STAM: variants seen among roughly 807,000 people sequenced by gnomAD.
The protein encoded by STAM is signal transducing adaptor molecule.
STAM carries 16 observed loss-of-function variants against 63.4 expected under a neutral mutation model. The observed-to-expected ratio is 0.25, with a 90% CI of 0.17 to 0.38. The LOEUF is 0.38. STAM is among the 10% of genes least tolerant of loss of function. STAM has a pLI of 1.00. For missense variants in STAM, 636 were observed against 657.1 expected, an observed-to-expected ratio of 0.97 and a Z score of 0.35; for synonymous variants, 238 against 223.9, an observed-to-expected ratio of 1.06 and a Z score of -0.56.
intron 5 of STAM, among the ~76,000 whole-genome samples, chr10:17,689,901 A>T (rs1554826561): frequency 6.6e-6 from 1 of 152,222 alleles, no homozygotes; most frequent in East Asian, 1.9e-4. Context: ...GAGGTCTGAG[A>T]AGCACTGCTG....
chr10:17,671,946 A>G (rs1834657465), intron 2 of STAM, among the ~76,000 whole-genome samples: 1 of 152,204 alleles, frequency 6.6e-6, no homozygotes, highest in African/African-American at 2.4e-5. Flanking sequence ...TTCAATGACA[A>G]TAATTTCCTT....
chr10:17,703,594 CAT>C (rs1480128733), intron 9 of STAM, among the ~76,000 whole-genome samples: 1 of 151,968 alleles, frequency 6.6e-6, no homozygotes, highest in Non-Finnish European at 1.5e-5. Context: ...AACATAAATA[CAT>C]ATATACTTAT....
At chr10:17,709,001 T>A (rs1554829775) in intron 13 of STAM, 50 bp downstream of exon 13, 1 of 1,572,526 alleles carries the variant, frequency 6.4e-7, no homozygotes, top group South Asian at 1.2e-5. Context: ...TACAGCTGTT[T>A]AAGTGCCCCC....
chr10:17,649,562 C>T (rs1833656516), intron 1 of STAM, among the ~76,000 whole-genome samples: 1 of 151,522 alleles, frequency 6.6e-6, no homozygotes, highest in South Asian at 2.1e-4. Flanking sequence ...TTTTTTTTCC[C>T]CTAATACTTT....
rs1554825865 is a variant in STAM, at chr10:17,684,680, A to G, written c.131A>G (p.Lys44Arg). 6.2e-7 allele frequency: 1 copy of G among 1,612,190 alleles called. No homozygotes were observed. The highest frequency in any genetic ancestry group is 8.5e-7 in the Non-Finnish European group (1 of 1,179,496). The change falls in exon 3 of 14, where the codon AAG becomes AGG. Residue 44 changes from lysine (K) to arginine (R), a missense_variant. Coordinates refer to ENST00000377524, the MANE Select transcript of STAM (RefSeq NM_003473.4). ...DKVGQSRTGP[K>R]DCLRSIMRRV... ...TACTTTTCTCATTTTTTTAGACCTAAGGATTGTCTTCGGTCTATTATGAGA... is the reference window on the plus strand; with the variant it reads ...TACTTTTCTCATTTTTTTAGACCTAGGGATTGTCTTCGGTCTATTATGAGA...
At chr10:17,693,794 C>T (rs1442124501) in intron 6 of STAM, among the ~76,000 whole-genome samples, 3 of 152,094 alleles carry the variant, frequency 2.0e-5, no homozygotes, top group African/African-American at 7.2e-5. Flanking sequence ...TACATATTCT[C>T]TGTGCACATA....
intron 1 of STAM, among the ~76,000 whole-genome samples, chr10:17,645,098 T>A (rs782170663): frequency 6.6e-6 from 1 of 152,268 alleles, no homozygotes; most frequent in Non-Finnish European, 1.5e-5. Context: ...ATGATGTCAA[T>A]TCAATAGGTT....
intron 13 of STAM, 101 bp from the exon 14 acceptor site, chr10:17,714,439 GAAT>G: frequency 1.8e-6 from 2 of 1,088,256 alleles, no homozygotes; most frequent in Non-Finnish European, 2.8e-6. Context: ...GTTATTAAAT[GAAT>G]TGACTATATG....
chr10:17,704,994 T>C lies in STAM; in HGVS notation c.1025T>C (p.Leu342Pro), dbSNP rs782580550. The stretch of plus-strand genomic sequence containing the variant: ...GCAATGTGTCACCAGATGGGACCTC[T>C]CATTGATGAAAAGCTGGAAGATATT... ...LEAMCHQMGP[L>P]IDEKLEDIDR... Residue 342 changes from leucine to proline, a missense_variant, in exon 11 of 14, where the codon CTC (leucine) becomes CCC (proline). Around this residue, in one of 3 missense-constraint regions of STAM, gnomAD observed 532 missense variants for 536.9 expected, o/e 0.99. Coordinates refer to ENST00000377524, the MANE Select transcript of STAM (RefSeq NM_003473.4). 3.7e-6 allele frequency: 6 copies of C among 1,613,514 alleles called. No homozygotes were observed. The South Asian group carries it at 5.5e-5, about 15-fold the overall frequency.
intron 12 of STAM, among the ~76,000 whole-genome samples, chr10:17,708,303 TA>T (rs2131694308): frequency 6.6e-6 from 1 of 152,322 alleles, no homozygotes; most frequent in African/African-American, 2.4e-5. Flanking sequence ...TCAGGCCCTT[TA>T]CAAAAAAGTT....
At chr10:17,669,369 T>C (rs543097869) in intron 2 of STAM, among the ~76,000 whole-genome samples, 17 of 151,454 alleles carry the variant, frequency 1.1e-4, no homozygotes, top group East Asian at 3.9e-4. Context: ...TTTTTTTTTT[T>C]CCGGAAATGT....
chr10:17,704,280 G>C (rs1836152380), intron 9 of STAM, 151 bp from the exon 10 acceptor site: 3 of 622,258 alleles, frequency 4.8e-6, no homozygotes, highest in Non-Finnish European at 8.5e-6. Context: ...GTACTAGAGA[G>C]AATAAATACA....
chr10:17,705,116 A>AC, intron 11 of STAM, 92 bp downstream of exon 11: 1 of 1,064,000 alleles, frequency 9.4e-7, no homozygotes. Flanking sequence ...TTTTAAAAAA[A>AC]AAATATTGTG....
intron 12 of STAM, among the ~76,000 whole-genome samples, chr10:17,706,971 C>T (rs1836313893): frequency 6.6e-6 from 1 of 152,122 alleles, no homozygotes; most frequent in African/African-American, 2.4e-5. Flanking sequence ...TTAAAAACTG[C>T]TTTAATCTGG....
At position 17,648,679 on chromosome 10, in the gene STAM, C is replaced by G. The variant is rs551258165; in HGVS notation, c.40+4300C>G. Among the ~76,000 whole-genome samples the G allele has an allele frequency of 5.9e-5, 9 of 152,304 alleles. No individual in the cohort carries two copies. In the South Asian group the frequency reaches 1.7e-3, roughly 28 times the overall value. ...CTTACCTTACTTCAGTCATTGTTATCTCTTATAGTCAGTGGCAAGAGCCTT... is the reference window on the plus strand; with the variant it reads ...CTTACCTTACTTCAGTCATTGTTATGTCTTATAGTCAGTGGCAAGAGCCTT... On this transcript the variant is annotated intron_variant, in intron 1 of 13. Coordinates refer to ENST00000377524, the MANE Select transcript of STAM (RefSeq NM_003473.4).
intron 2 of STAM, among the ~76,000 whole-genome samples, chr10:17,666,892 T>C (rs1192868745): frequency 1.3e-5 from 2 of 152,230 alleles, no homozygotes; most frequent in Admixed American, 6.5e-5. Flanking sequence ...CATATCCTCA[T>C]TTTACAGGAC....
chr10:17,708,868 G>T lies in STAM; in HGVS notation c.1302G>T (p.Gln434His). Residue 434 changes from glutamine to histidine, a missense_variant, in exon 13 of 14, where the codon CAG (glutamine) becomes CAT (histidine). Physicochemically the swap from Gln to His is conservative, Grantham distance 24 (BLOSUM62 0). Around this residue, in one of 3 missense-constraint regions of STAM, gnomAD observed 532 missense variants for 536.9 expected, o/e 0.99. Transcript: ENST00000377524. ...AGAGCTACAGTCTTCCCCCGGAGCA[G>T]CTGTCTTCTCTCAGCCAGGCAGTGG... ...HLQSYSLPPE[Q>H]LSSLSQAVVP... 1 of 1,614,192 alleles carries T rather than the reference G, an allele frequency of 6.2e-7. No individual in the cohort carries two copies. The highest frequency in any genetic ancestry group is 8.5e-7 in the Non-Finnish European group (1 of 1,180,022).
chr10:17,678,131 A>G (rs1554824852), intron 2 of STAM, among the ~76,000 whole-genome samples: 1 of 151,262 alleles, frequency 6.6e-6, no homozygotes, highest in East Asian at 1.9e-4. Context: ...TCCCATTCCC[A>G]CCTCTCCTCA....
At chr10:17,691,740 A>G (rs1318254433) in intron 5 of STAM, among the ~76,000 whole-genome samples, 2 of 152,204 alleles carry the variant, frequency 1.3e-5, no homozygotes, top group Non-Finnish European at 2.9e-5. Flanking sequence ...AGAAGCTGAG[A>G]TTATTGCCTG....
Sources: gnomAD v4.1 joint callset for allele counts (sites outside exome capture counted in the v4.1 genomes callset) on GRCh38, gnomAD v4.1.1 for gene constraint, gnomAD v4.1.1 regional missense constraint, MANE v1.5 for transcripts, NCBI Gene and HGNC (gene_info 2026-07-23, HGNC 2026-07-21) for gene names.